Variants in NCKAP5 observed in about 807,000 individuals in gnomAD.
NCKAP5 encodes the protein nck-associated protein 5.
NCKAP5 carries 92 observed loss-of-function variants against 167.0 expected under a neutral mutation model. That is an observed-to-expected ratio of 0.55 (90% CI 0.47 to 0.66). The LOEUF (loss-of-function observed/expected upper bound fraction) is 0.66, where lower values mean the gene tolerates loss of function less well. Ranked by LOEUF, NCKAP5 falls within the 30% of genes least tolerant of loss-of-function variation. The pLI is 0.00. For missense variants in NCKAP5, 2,378 were observed against 2,315.0 expected, an observed-to-expected ratio of 1.03 and a Z score of -0.56; for synonymous variants, 891 against 877.4, an observed-to-expected ratio of 1.02 and a Z score of -0.27.
intron 6 of NCKAP5, among the ~76,000 whole-genome samples, chr2:133,002,239 C>A (rs1358207649): frequency 6.6e-6 from 1 of 152,104 alleles, no homozygotes; most frequent in South Asian, 2.1e-4. Context: ...CAAGATCCCC[C>A]CAGTGAATGC....
the NCKAP5 span, among the ~76,000 whole-genome samples, chr2:133,624,226 C>G: frequency 6.6e-6 from 1 of 152,054 alleles, no homozygotes; most frequent in Non-Finnish European, 1.5e-5. Context: ...AAAATCACCC[C>G]TAAAGAATTT....
chr2:132,898,337 A>G (rs919908780), intron 8 of NCKAP5, among the ~76,000 whole-genome samples: 2 of 152,184 alleles, frequency 1.3e-5, no homozygotes, highest in African/African-American at 2.4e-5. Context: ...CCACATCTGT[A>G]ATTACTTCCT....
At chr2:133,091,652 C>T (rs2149638368) in intron 6 of NCKAP5, among the ~76,000 whole-genome samples, 2 of 152,216 alleles carry the variant, frequency 1.3e-5, no homozygotes, top group East Asian at 3.9e-4. Flanking sequence ...CTTTGGGAGG[C>T]CGAGGTGGGC....
intron 5 of NCKAP5, among the ~76,000 whole-genome samples, chr2:133,167,526 G>C (rs2084049293): frequency 6.6e-6 from 1 of 152,064 alleles, no homozygotes; most frequent in African/African-American, 2.4e-5. Context: ...TTTATCTTGT[G>C]GATATTTTAG....
At chr2:133,398,673 TC>T (rs1239313150) in intron 3 of NCKAP5, among the ~76,000 whole-genome samples, 1 of 152,086 alleles carries the variant, frequency 6.6e-6, no homozygotes, top group African/African-American at 2.4e-5. Flanking sequence ...CAATAAAACT[TC>T]CTAGGTGGCA....
intron 16 of NCKAP5, among the ~76,000 whole-genome samples, chr2:132,754,796 A>G (rs1680399579): frequency 6.6e-6 from 1 of 152,234 alleles, no homozygotes; most frequent in Non-Finnish European, 1.5e-5. Context: ...GAATGTTTTT[A>G]AAAAACAGGC....
intron 4 of NCKAP5, among the ~76,000 whole-genome samples, chr2:133,247,535 G>A (rs1354259681): frequency 6.6e-6 from 1 of 152,148 alleles, no homozygotes; most frequent in African/African-American, 2.4e-5. Context: ...AAACTCACTA[G>A]AAACCCAAGG....
intron 3 of NCKAP5, among the ~76,000 whole-genome samples, chr2:133,508,306 A>G (rs1172740090): frequency 6.6e-6 from 1 of 152,178 alleles, no homozygotes; most frequent in African/African-American, 2.4e-5. Flanking sequence ...TTATTGGAGG[A>G]AGATATGACA....
At chr2:133,415,915 A>G (rs1689081357) in intron 3 of NCKAP5, among the ~76,000 whole-genome samples, 2 of 152,354 alleles carry the variant, frequency 1.3e-5, no homozygotes, top group African/African-American at 4.8e-5. Flanking sequence ...AGATGAGTTT[A>G]TCTGAGCAAA....
intron 4 of NCKAP5, among the ~76,000 whole-genome samples, chr2:133,295,977 G>T (rs143449770): frequency 1.3e-5 from 2 of 152,076 alleles, no homozygotes; most frequent in African/African-American, 4.8e-5. Context: ...GATGCTAACA[G>T]TCCTTTCCTG....
intron 3 of NCKAP5, among the ~76,000 whole-genome samples, chr2:133,443,035 C>T (rs535097449): frequency 6.6e-6 from 1 of 152,328 alleles, no homozygotes; most frequent in Admixed American, 6.5e-5. Context: ...ACATATTTGC[C>T]AAGATGTAGC....
At chr2:133,566,087 T>C (rs1003735199) in intron 1 of NCKAP5, among the ~76,000 whole-genome samples, 1 of 152,142 alleles carries the variant, frequency 6.6e-6, no homozygotes, top group African/African-American at 2.4e-5. Context: ...TAGGTAGGAA[T>C]GTCAGGGACA....
At chr2:132,688,759 G>A (rs1403113028) in intron 19 of NCKAP5, among the ~76,000 whole-genome samples, 1 of 151,986 alleles carries the variant, frequency 6.6e-6, no homozygotes, top group Non-Finnish European at 1.5e-5. Flanking sequence ...GCTGAGGTGG[G>A]CAGATCGTTT....
intron 3 of NCKAP5, among the ~76,000 whole-genome samples, chr2:133,392,525 G>A (rs1559446969): frequency 6.6e-6 from 1 of 152,068 alleles, no homozygotes. Flanking sequence ...CCCATAGATG[G>A]TGAACTCCTT....
chr2:133,008,721 T>C (rs886933826), intron 6 of NCKAP5, among the ~76,000 whole-genome samples: 1 of 152,170 alleles, frequency 6.6e-6, no homozygotes, highest in Non-Finnish European at 1.5e-5. Flanking sequence ...AGATATTTAA[T>C]AGGTCAAACT....
intron 11 of NCKAP5, among the ~76,000 whole-genome samples, chr2:132,806,554 C>T (rs1813468): frequency 0.39 from 59,378 of 151,884 alleles, 13,078 homozygotes; most frequent in African/African-American, 0.61. Context: ...GTTTGGTAGC[C>T]ATTTGTATAT....
intron 5 of NCKAP5, among the ~76,000 whole-genome samples, chr2:133,151,531 A>T (rs2083387043): frequency 6.6e-6 from 1 of 152,316 alleles, no homozygotes; most frequent in African/African-American, 2.4e-5. Flanking sequence ...AAGTAAAAAT[A>T]TGAAAAGAGT....
At chr2:133,068,983 A>G (rs969476950) in intron 6 of NCKAP5, among the ~76,000 whole-genome samples, 3 of 152,248 alleles carry the variant, frequency 2.0e-5, no homozygotes, top group Admixed American at 2.0e-4. Flanking sequence ...CCAGGAATTT[A>G]TGATTCTGGA....
intron 4 of NCKAP5, among the ~76,000 whole-genome samples, chr2:133,242,000 C>A (rs184680646): frequency 1.5e-3 from 223 of 151,682 alleles, no homozygotes; most frequent in African/African-American, 5.2e-3. Flanking sequence ...TGCCTGTAAT[C>A]CCAGCTACTC....
Sources: gnomAD v4.1 joint callset for allele counts (sites outside exome capture counted in the v4.1 genomes callset) on GRCh38, gnomAD v4.1.1 for gene constraint, MANE v1.5 for transcripts, NCBI Gene and HGNC (gene_info 2026-07-23, HGNC 2026-07-21) for gene names.